The following PRIM2 variants were observed in gnomAD, a reference collection of about 807,000 sequenced individuals.
PRIM2 encodes DNA primase large subunit.
Under a neutral mutation model 67.3 loss-of-function variants are expected in PRIM2, and 39 were observed. The observed-to-expected ratio is 0.58, with a 90% confidence interval of 0.45 to 0.76. PRIM2 has a LOEUF of 0.76. PRIM2 is among the 30% of genes least tolerant of loss of function. The pLI is 0.00. For missense variants in PRIM2, 398 were observed against 598.7 expected (o/e 0.66, Z 3.50); for synonymous variants, 143 against 198.7 (o/e 0.72, Z 2.36).
intron 7 of PRIM2, among the ~76,000 whole-genome samples, chr6:57,422,174 A>G (rs1372313119): frequency 4.9e-5 from 1 of 20,340 alleles, no homozygotes; most frequent in African/African-American, 1.3e-4. Flanking sequence ...TTTTTTTTTG[A>G]GATGGAGTCT....
chr6:57,230,949 C>A, the PRIM2 span, among the ~76,000 whole-genome samples: 1 of 152,100 alleles, frequency 6.6e-6, no homozygotes, highest in Non-Finnish European at 1.5e-5. Flanking sequence ...GCACAGATAC[C>A]TGTAGTTTTT....
intron 7 of PRIM2, among the ~76,000 whole-genome samples, chr6:57,500,384 G>A (rs1554346751): frequency 8.5e-5 from 13 of 152,246 alleles, no homozygotes; most frequent in East Asian, 3.9e-4. Context: ...TAGAACATTC[G>A]TGTATTTACC....
intron 5 of PRIM2, among the ~76,000 whole-genome samples, chr6:57,355,893 C>T (rs564059676): frequency 4.7e-4 from 71 of 152,166 alleles, no homozygotes; most frequent in African/African-American, 1.7e-3. Flanking sequence ...CTGCCTGCCT[C>T]GGCCTCCCAA....
At chr6:57,314,577 G>A (rs1767444735), upstream of PRIM2, among the ~76,000 whole-genome samples, 1 of 152,198 alleles carries the variant, frequency 6.6e-6, no homozygotes, top group African/African-American at 2.4e-5. Context: ...TATTTATTGA[G>A]GGCCCATGGA....
chr6:57,240,952 C>G, the PRIM2 span, among the ~76,000 whole-genome samples: 233 of 151,938 alleles, frequency 1.5e-3, 4 homozygotes, highest in East Asian at 0.017. Context: ...AGGCGGGGCT[C>G]AGTGACTCAA....
intron 5 of PRIM2, among the ~76,000 whole-genome samples, chr6:57,333,414 T>C (rs1445016568): frequency 6.6e-6 from 1 of 152,208 alleles, no homozygotes; most frequent in Non-Finnish European, 1.5e-5. Flanking sequence ...TGACTTCTTA[T>C]TCTTTGCATG....
At chr6:57,553,339 T>C (rs1203065306) in intron 10 of PRIM2, among the ~76,000 whole-genome samples, 5 of 152,114 alleles carry the variant, frequency 3.3e-5, no homozygotes, top group Admixed American at 2.6e-4. Flanking sequence ...ATATGAGTTT[T>C]ATCACAATAA....
At chr6:57,625,323 T>G (rs1157980914) in intron 12 of PRIM2, among the ~76,000 whole-genome samples, 9 of 152,178 alleles carry the variant, frequency 5.9e-5, no homozygotes, top group Non-Finnish European at 1.2e-4. Flanking sequence ...CAAATTAGTT[T>G]GAGAAACGTT....
intron 10 of PRIM2, among the ~76,000 whole-genome samples, chr6:57,552,413 T>G (rs1412580707): frequency 7.2e-5 from 11 of 151,984 alleles, no homozygotes; most frequent in African/African-American, 2.7e-4. Flanking sequence ...GCCTACCTAC[T>G]AGGATTGAGT....
At chr6:57,526,095 G>C (rs1554349358) in intron 8 of PRIM2, among the ~76,000 whole-genome samples, 4 of 152,084 alleles carry the variant, frequency 2.6e-5, no homozygotes, top group Non-Finnish European at 5.9e-5. Context: ...GCATTTATAT[G>C]GTTCTGTTTC....
intron 7 of PRIM2, among the ~76,000 whole-genome samples, chr6:57,471,052 T>G (rs1351519545): frequency 3.3e-5 from 5 of 152,204 alleles, no homozygotes; most frequent in Admixed American, 6.5e-5. Flanking sequence ...TGGCTCCTTG[T>G]GACACAGATT....
chr6:57,396,970 G>A (rs1770536604), intron 7 of PRIM2, among the ~76,000 whole-genome samples: 2 of 152,262 alleles, frequency 1.3e-5, no homozygotes, highest in African/African-American at 4.8e-5. Flanking sequence ...TAATGATTTT[G>A]TTTGAGGAGG....
At chr6:57,237,522 T>C in the PRIM2 span, among the ~76,000 whole-genome samples, 1 of 152,174 alleles carries the variant, frequency 6.6e-6, no homozygotes, top group African/African-American at 2.4e-5. Context: ...TTGCCTAGGT[T>C]TTCTTCTAGG....
At chr6:57,328,830 C>A (rs1767959793) in intron 5 of PRIM2, among the ~76,000 whole-genome samples, 1 of 152,064 alleles carries the variant, frequency 6.6e-6, no homozygotes, top group Admixed American at 6.6e-5. Context: ...AAAATTGTTA[C>A]CTTTTAAAAA....
Position 57,601,160 on chromosome 6 carries a change from C to T in PRIM2, c.1088C>T (p.Thr363Ile), listed in dbSNP as rs1341886180. 3 of 1,612,626 alleles carry T rather than the reference C, an allele frequency of 1.9e-6. No homozygotes were observed. The highest frequency in any genetic ancestry group is 2.2e-5 in the East Asian group (1 of 44,814). Reference protein sequence around the residue: ...FGKEGKRTDYTPFSCLKIILS... With the variant: ...FGKEGKRTDYIPFSCLKIILS... ...AAGGAAGGCAAGAGGACAGACTATA[C>T]ACCTTTCAGTTGCCTGAAGATTATT... is the stretch of plus-strand genomic sequence containing the variant. Residue 363 changes from threonine (T) to isoleucine (I), a missense_variant, in exon 11 of 14, where the codon ACA becomes ATA. Around this residue, in one of 4 missense-constraint regions of PRIM2, gnomAD observed 229 missense variants for 383.6 expected, o/e 0.60. Transcript: ENST00000615550.
chr6:57,271,692 C>G, the PRIM2 span, among the ~76,000 whole-genome samples: 3 of 152,134 alleles, frequency 2.0e-5, no homozygotes. Flanking sequence ...TTTGCTCTTG[C>G]TTCTCTAGTT....
At chr6:57,330,955 G>T (rs1768038355) in intron 5 of PRIM2, among the ~76,000 whole-genome samples, 1 of 151,986 alleles carries the variant, frequency 6.6e-6, no homozygotes, top group African/African-American at 2.4e-5. Context: ...GGCCGAGGTG[G>T]GCGGATCACA....
At chr6:57,228,529 G>T in the PRIM2 span, among the ~76,000 whole-genome samples, 11 of 152,192 alleles carry the variant, frequency 7.2e-5, no homozygotes, top group Non-Finnish European at 1.6e-4. Flanking sequence ...TGGATTGAGG[G>T]CAGGGAGTAG....
At chr6:57,427,616 C>G (rs12200693) in intron 7 of PRIM2, among the ~76,000 whole-genome samples, 1 of 152,160 alleles carries the variant, frequency 6.6e-6, no homozygotes. Context: ...CCATGCCCAG[C>G]CTGGTTATTC....
Sources: allele counts gnomAD v4.1 joint callset (sites outside exome capture counted in the v4.1 genomes callset), GRCh38; gene constraint gnomAD v4.1.1; regional missense constraint gnomAD v4.1.1; transcripts MANE v1.5; gene names NCBI Gene and HGNC (gene_info 2026-07-23, HGNC 2026-07-21).